HERC2: variants seen among roughly 807,000 people sequenced by gnomAD.
HERC2 encodes the protein E3 ubiquitin-protein ligase HERC2.
HERC2 carries 102 observed loss-of-function variants against 537.7 expected under a neutral mutation model. The ratio of observed to expected loss-of-function variants is 0.19; its 90% CI spans 0.16 to 0.22. The LOEUF (loss-of-function observed/expected upper bound fraction) is 0.22. Ranked by LOEUF, HERC2 falls within the 10% of genes least tolerant of loss-of-function variation. The probability of loss-of-function intolerance (pLI) is 1.00; values close to 1 mark genes in which losing one functional copy is unlikely to be tolerated. For synonymous variants in HERC2, 2,224 were observed against 2,466.2 expected (o/e 0.90, Z 2.91); for missense variants, 4,236 against 6,198.2 (o/e 0.68, Z 10.63).
intron 21 of HERC2, among the ~76,000 whole-genome samples, 163 bp from the exon 22 acceptor site, chr15:28,247,060 T>C (rs1007725225): frequency 3.3e-5 from 5 of 152,238 alleles, no homozygotes; most frequent in Non-Finnish European, 4.4e-5. Context: ...TTCTGTATCA[T>C]GTGACTGGAG....
intron 2 of HERC2, among the ~76,000 whole-genome samples, chr15:28,301,099 G>A (rs1490642443): frequency 6.6e-6 from 1 of 151,758 alleles, no homozygotes; most frequent in Non-Finnish European, 1.5e-5. Context: ...AGATGAGCCT[G>A]TTTCCTCAAA....
chr15:28,239,178 A>C (rs1596305135), intron 23 of HERC2, among the ~76,000 whole-genome samples: 2 of 152,234 alleles, frequency 1.3e-5, no homozygotes, highest in Non-Finnish European at 2.9e-5. Flanking sequence ...CTAAGAAAAA[A>C]ATGACTATGA....
At chr15:28,282,981 C>T (rs1408539881) in intron 4 of HERC2, among the ~76,000 whole-genome samples, 2 of 121,134 alleles carry the variant, frequency 1.7e-5, no homozygotes, top group South Asian at 2.9e-4. Flanking sequence ...TGGGACGGGA[C>T]GGGACTGGAT....
intron 2 of HERC2, among the ~76,000 whole-genome samples, chr15:28,310,802 G>A (rs1222618009): frequency 6.6e-6 from 1 of 152,152 alleles, no homozygotes; most frequent in African/African-American, 2.4e-5. Context: ...TACTGGCCAC[G>A]CACGGTGGCT....
intron 50 of HERC2, among the ~76,000 whole-genome samples, chr15:28,197,312 G>T (rs933201666): frequency 2.0e-5 from 3 of 152,164 alleles, no homozygotes; most frequent in African/African-American, 7.2e-5. Context: ...TGTTAAAACG[G>T]ACATAGTATA....
intron 83 of HERC2, among the ~76,000 whole-genome samples, chr15:28,128,060 G>A (rs1889695900): frequency 6.6e-6 from 1 of 152,172 alleles, no homozygotes; most frequent in South Asian, 2.1e-4. Context: ...GATGAACTGT[G>A]ACGATCAAAG....
chr15:28,316,505 T>A (rs1028202547), intron 2 of HERC2, among the ~76,000 whole-genome samples: 4 of 152,194 alleles, frequency 2.6e-5, no homozygotes, highest in African/African-American at 9.7e-5. Context: ...TGCAAAATGC[T>A]CTCAATTAAC....
chr15:28,310,205 G>T (rs1012229583), intron 2 of HERC2, among the ~76,000 whole-genome samples: 2 of 152,188 alleles, frequency 1.3e-5, no homozygotes, highest in African/African-American at 2.4e-5. Context: ...CCAGCACTTG[G>T]GAGGCCAAGG....
chr15:28,251,399 TGCCA>T (rs2075074601), intron 20 of HERC2, among the ~76,000 whole-genome samples: 1 of 148,962 alleles, frequency 6.7e-6, no homozygotes, highest in South Asian at 2.1e-4. Flanking sequence ...GCTGAGATCG[TGCCA>T]CTGCACTCCA....
chr15:28,112,083 TTTA>T (rs748421665), intron 92 of HERC2, 48 bp from the exon 93 acceptor site: 8 of 1,575,628 alleles, frequency 5.1e-6, no homozygotes, highest in African/African-American at 4.0e-5. Context: ...ACGGCTGCAG[TTTA>T]CTTTACTGTG....
Position 28,175,847 on chromosome 15 carries a change from AACCTTAAT to A in HERC2, c.9687-199_9687-192del, listed in dbSNP as rs202144042. 4.1e-3 allele frequency among the ~76,000 whole-genome samples: 624 copies of A among 152,336 alleles called. 4 individuals are homozygous for A. The highest frequency in any genetic ancestry group is 0.014 in the African/African-American group (594 of 41,568). On this transcript the variant is annotated intron_variant, in intron 63 of 92. Coordinates refer to ENST00000261609, the MANE Select transcript of HERC2 (RefSeq NM_004667.6). ...TTAACTTATTAAGCCAGCTGGGAAA[AACCTTAAT>A]ACCTTAATACATATTTTATGATATT...
intron 70 of HERC2, among the ~76,000 whole-genome samples, chr15:28,148,702 C>T (rs1429223373): frequency 2.0e-5 from 3 of 150,746 alleles, no homozygotes; most frequent in South Asian, 2.1e-4. Context: ...GGCTTCTAAC[C>T]GAGAACATCA....
intron 69 of HERC2, among the ~76,000 whole-genome samples, chr15:28,159,315 A>G (rs1416560216): frequency 2.0e-5 from 3 of 152,288 alleles, no homozygotes; most frequent in East Asian, 3.9e-4. Context: ...TCTCCTGGAT[A>G]ATATCCTGCA....
At chr15:28,183,801 A>T (rs2140208280) in intron 56 of HERC2, among the ~76,000 whole-genome samples, 1 of 152,340 alleles carries the variant, frequency 6.6e-6, no homozygotes, top group African/African-American at 2.4e-5. Flanking sequence ...GTTTTGGAAT[A>T]AAAGTGGAAA....
rs1596268654 is a variant in HERC2 at position 28,221,951 on chromosome 15, A to C, written c.5652+77T>G. ...CACATCCTGGATTATTCCAATTTCC[A>C]CCCACCAATATCGTACAGAACTGTG... is the stretch of plus-strand genomic sequence containing the variant. On this transcript the variant is annotated intron_variant, in intron 36 of 92. Coordinates refer to ENST00000261609, the MANE Select transcript of HERC2 (RefSeq NM_004667.6). 4 of 1,034,920 alleles carry C rather than the reference A, an allele frequency of 3.9e-6. No homozygotes were observed. In the South Asian group the frequency reaches 4.8e-5, roughly 13 times the overall value. 64.1% of individuals were successfully genotyped at this position (1,034,920 alleles called of 1,614,324 possible). A position where few individuals can be genotyped will look rare whatever the true frequency, so the allele number is the denominator to read the frequency against.
chr15:28,321,952 G>A (rs2077242112), intron 1 of HERC2, 123 bp downstream of exon 1: 1 of 131,560 alleles, frequency 7.6e-6, no homozygotes, highest in Non-Finnish European at 1.6e-5. Context: ...CTGCCCCGCG[G>A]GTGGTCCGCG....
intron 79 of HERC2, among the ~76,000 whole-genome samples, chr15:28,134,036 G>A (rs528716484): frequency 4.5e-4 from 69 of 152,304 alleles, no homozygotes; most frequent in Admixed American, 7.8e-4. Context: ...GATTGGGAAG[G>A]TGTTGAATCT....
intron 2 of HERC2, among the ~76,000 whole-genome samples, chr15:28,312,360 G>A (rs1180260085): frequency 1.3e-5 from 2 of 152,354 alleles, no homozygotes; most frequent in South Asian, 2.1e-4. Context: ...CAGGCAGGGC[G>A]TGGTGGCCCA....
In HERC2 at chr15:28,176,601, T is replaced by C; in HGVS notation, c.9515-2A>G. ...CATCACCCCAGGAAAATACCAAACC[T>C]AGGTTTAAGAAACACATATACTTCA... On this transcript the variant is annotated splice_acceptor_variant, in intron 62 of 92. Transcript: ENST00000261609. LOFTEE classifies it high-confidence loss of function. This position sits in a 1 kb window ranked among gnomAD's most constrained non-coding sequence, Gnocchi z 5.0. The C allele has an allele frequency of 6.2e-7, 1 of 1,614,058 alleles. No individual in the cohort carries two copies. The highest frequency in any genetic ancestry group is 8.5e-7 in the Non-Finnish European group (1 of 1,180,010).
Sources: gnomAD v4.1 joint callset for allele counts (sites outside exome capture counted in the v4.1 genomes callset) on GRCh38, gnomAD v4.1.1 for gene constraint, Gnocchi (gnomAD v3.1) non-coding constraint, MANE v1.5 for transcripts, NCBI Gene and HGNC (gene_info 2026-07-23, HGNC 2026-07-21) for gene names.